Variants in RBFOX1 observed in about 807,000 individuals in gnomAD.
RBFOX1 encodes RNA binding protein fox-1 homolog 1.
A neutral mutation model predicts 57.7 loss-of-function variants in RBFOX1; 8 were observed. The ratio of observed to expected loss-of-function variants is 0.14; its 90% confidence interval spans 0.08 to 0.25. The LOEUF (loss-of-function observed/expected upper bound fraction) is 0.25, where lower values mean the gene tolerates loss of function less well. RBFOX1 is among the 10% of genes least tolerant of loss of function. The pLI, the probability that RBFOX1 is intolerant of heterozygous loss-of-function variation, is 1.00. For missense variants in RBFOX1, 611 were observed against 548.5 expected, an observed-to-expected ratio of 1.11 and a Z score of -1.14; for synonymous variants, 326 against 222.4, an observed-to-expected ratio of 1.47 and a Z score of -4.15.
intron 3 of RBFOX1, among the ~76,000 whole-genome samples, chr16:6,725,328 G>C (rs371568535): frequency 6.6e-6 from 1 of 152,044 alleles, no homozygotes; most frequent in Admixed American, 6.6e-5. Context: ...TGGGATTACA[G>C]GTTTGAGCCA....
At chr16:5,317,377 G>C (rs2064270871) in intron 1 of RBFOX1, among the ~76,000 whole-genome samples, 1 of 152,216 alleles carries the variant, frequency 6.6e-6, no homozygotes, top group South Asian at 2.1e-4. Flanking sequence ...AGGAGGCTGA[G>C]GTGGGCTGAT....
intron 4 of RBFOX1, among the ~76,000 whole-genome samples, chr16:5,974,546 G>T (rs1187776180): frequency 6.6e-6 from 1 of 152,122 alleles, no homozygotes; most frequent in Non-Finnish European, 1.5e-5. Context: ...GGAGGCGGAG[G>T]TTGCAGTGAG....
At chr16:6,828,279 A>G (rs2092388786) in intron 3 of RBFOX1, among the ~76,000 whole-genome samples, 1 of 152,138 alleles carries the variant, frequency 6.6e-6, no homozygotes, top group African/African-American at 2.4e-5. Context: ...TAATCCCAGC[A>G]CTTTGGGAGG....
chr16:7,705,953 G>C (rs995581123), intron 14 of RBFOX1, among the ~76,000 whole-genome samples: 1 of 152,182 alleles, frequency 6.6e-6, no homozygotes, highest in African/African-American at 2.4e-5. Context: ...TGCATGGTGT[G>C]GAGGATGACC....
At chr16:6,498,296 C>G (rs2095828902) in intron 2 of RBFOX1, among the ~76,000 whole-genome samples, 2 of 151,406 alleles carry the variant, frequency 1.3e-5, no homozygotes, top group Non-Finnish European at 2.9e-5. Flanking sequence ...ATAGCTATTC[C>G]TAGGTTGATA....
Position 5,908,048 on chromosome 16 carries a change from G to C in RBFOX1, c.351+40713G>C, listed in dbSNP as rs575775183. ...TTACAGGCATGAGCCATAGCACCTG[G>C]TAGATGTATGTATGTGTGTATGTAT... On this transcript the variant is annotated intron_variant, in intron 4 of 19. Transcript: ENST00000641259. 5.5e-5 allele frequency among the ~76,000 whole-genome samples: 8 copies of C among 146,510 alleles called. No homozygotes were observed. The East Asian group carries it at 1.6e-3, about 29-fold the overall frequency.
chr16:7,100,704 C>T (rs147528184), intron 4 of RBFOX1, among the ~76,000 whole-genome samples: 2 of 150,262 alleles, frequency 1.3e-5, no homozygotes, highest in South Asian at 2.1e-4. Flanking sequence ...TAAAAATGTA[C>T]AAAATGGACA....
intron 12 of RBFOX1, among the ~76,000 whole-genome samples, chr16:7,656,194 C>T (rs898283807): frequency 2.0e-5 from 3 of 152,170 alleles, no homozygotes; most frequent in Non-Finnish European, 2.9e-5. Context: ...TGCAAGCATT[C>T]ATGTCTGCAA....
chr16:7,643,115 C>G (rs1436533667), intron 11 of RBFOX1, among the ~76,000 whole-genome samples: 1 of 152,176 alleles, frequency 6.6e-6, no homozygotes, highest in African/African-American at 2.4e-5. Flanking sequence ...GCAGGAACAG[C>G]ACGCCAATTA....
intron 14 of RBFOX1, among the ~76,000 whole-genome samples, chr16:7,699,061 TCCCCTG>T (rs1011217126): frequency 6.6e-5 from 10 of 152,148 alleles, no homozygotes; most frequent in Non-Finnish European, 1.3e-4. Context: ...TTTGTCGCCT[TCCCCTG>T]CCCCTGAGAT....
At chr16:6,307,556 A>T (rs1415540111) in intron 1 of RBFOX1, among the ~76,000 whole-genome samples, 2 of 148,854 alleles carry the variant, frequency 1.3e-5, no homozygotes, top group Non-Finnish European at 3.0e-5. Context: ...GTCATTATAT[A>T]ATATCATTTA....
intron 2 of RBFOX1, among the ~76,000 whole-genome samples, chr16:5,471,375 G>A (rs9922602): frequency 0.26 from 39,897 of 152,024 alleles, 5,460 homozygotes; most frequent in South Asian, 0.36. Context: ...TGCCTTTTCA[G>A]TATTTCAGTG....
At chr16:6,782,597 G>C (rs559210168) in intron 3 of RBFOX1, among the ~76,000 whole-genome samples, 9 of 152,176 alleles carry the variant, frequency 5.9e-5, no homozygotes, top group Non-Finnish European at 1.2e-4. Context: ...AAAGATACCT[G>C]CTATGATTTG....
rs566327953 is a variant in RBFOX1 at position 5,885,053 on chromosome 16, G to A, written c.351+17718G>A. ...CTGTTTTGTAATGCATGGTCTCTGA[G>A]GCCAGATGGTCTTCGGGTCTCTTGT... On this transcript the variant is annotated intron_variant, in intron 4 of 19. Transcript: ENST00000641259. Among the ~76,000 whole-genome samples the A allele has an allele frequency of 5.3e-5, 8 of 152,250 alleles. No homozygotes were observed. The South Asian group carries it at 1.2e-3, about 24-fold the overall frequency.
chr16:6,118,711 G>C (rs1344176515), intron 1 of RBFOX1, among the ~76,000 whole-genome samples: 1 of 109,550 alleles, frequency 9.1e-6, no homozygotes, highest in Non-Finnish European at 1.8e-5. Context: ...TTCCTTCTTT[G>C]TTTCTCCCTC....
At chr16:7,495,186 G>C (rs8063152) in intron 4 of RBFOX1, among the ~76,000 whole-genome samples, 1 of 152,050 alleles carries the variant, frequency 6.6e-6, no homozygotes, top group Non-Finnish European at 1.5e-5. Context: ...CCATGGTGTA[G>C]ATATACCACA....
Position 5,651,569 on chromosome 16 carries a change from G to A in RBFOX1, c.318+52608G>A, listed in dbSNP as rs117680104. ...TGTCAGGAGTCAGCATTTTTTCGGGGGAAATGAGCACCCCGTCCTGTCCTG... is the reference window on the plus strand; with the variant it reads ...TGTCAGGAGTCAGCATTTTTTCGGGAGAAATGAGCACCCCGTCCTGTCCTG... On this transcript the variant is annotated intron_variant, in intron 3 of 19. Coordinates refer to the RBFOX1 transcript ENST00000641259. Among the ~76,000 whole-genome samples, 503 of 152,082 alleles carry A rather than the reference G, an allele frequency of 3.3e-3. 17 individuals are homozygous for A. The East Asian group carries it at 0.071, about 21-fold the overall frequency.
intron 1 of RBFOX1, among the ~76,000 whole-genome samples, chr16:6,098,447 T>C (rs546120142): frequency 3.3e-5 from 5 of 152,252 alleles, no homozygotes; most frequent in Non-Finnish European, 7.3e-5. Flanking sequence ...TTTGTGTCTT[T>C]AACCCCAGCC....
chr16:6,843,463 C>G (rs186679892), intron 3 of RBFOX1, among the ~76,000 whole-genome samples: 1 of 152,014 alleles, frequency 6.6e-6, no homozygotes, highest in Non-Finnish European at 1.5e-5. Flanking sequence ...CTGAGGCGGG[C>G]AGATCACGAG....
Sources: gnomAD v4.1 joint callset for allele counts (sites outside exome capture counted in the v4.1 genomes callset) on GRCh38, gnomAD v4.1.1 for gene constraint, MANE v1.5 for transcripts, NCBI Gene and HGNC (gene_info 2026-07-23, HGNC 2026-07-21) for gene names.